CACNA2D3: variants seen among roughly 807,000 people sequenced by gnomAD.
CACNA2D3 encodes the protein calcium voltage-gated channel auxiliary subunit alpha2delta 3.
CACNA2D3 carries 60 observed loss-of-function variants against 160.6 expected under a neutral mutation model. That is an observed-to-expected ratio of 0.37 (90% CI 0.30 to 0.46). The LOEUF is 0.46. Among genes scored for constraint, CACNA2D3 ranks in the 20% least tolerant of loss-of-function variants. The probability of loss-of-function intolerance (pLI) is 1.00; values close to 1 mark genes in which losing one functional copy is unlikely to be tolerated. For synonymous variants in CACNA2D3, 558 were observed against 492.9 expected, an observed-to-expected ratio of 1.13 and a Z score of -1.75; for missense variants, 1,205 against 1,365.0, an observed-to-expected ratio of 0.88 and a Z score of 1.85.
chr3:54,762,209 A>C (rs1274134310), intron 12 of CACNA2D3, among the ~76,000 whole-genome samples: 1 of 152,008 alleles, frequency 6.6e-6, no homozygotes, highest in Non-Finnish European at 1.5e-5. Context: ...CTGTCATCTT[A>C]TGTCATCTTA....
intron 12 of CACNA2D3, among the ~76,000 whole-genome samples, chr3:54,757,056 C>T (rs551865620): frequency 2.0e-5 from 3 of 152,204 alleles, no homozygotes; most frequent in African/African-American, 4.8e-5. Context: ...CAAAAATAAG[C>T]GAACTGGAAA....
intron 26 of CACNA2D3, among the ~76,000 whole-genome samples, chr3:54,897,565 C>G (rs1341850237): frequency 6.6e-6 from 1 of 152,030 alleles, no homozygotes; most frequent in Non-Finnish European, 1.5e-5. Context: ...CTGCTTATTG[C>G]AGAAACTTGA....
intron 27 of CACNA2D3, among the ~76,000 whole-genome samples, chr3:54,929,407 C>CA (rs2106952118): frequency 6.6e-6 from 1 of 152,318 alleles, no homozygotes; most frequent in African/African-American, 2.4e-5. Flanking sequence ...GACAGAGGGC[C>CA]ATGGAACCTG....
chr3:54,847,468 T>G (rs2106776477), intron 17 of CACNA2D3, among the ~76,000 whole-genome samples: 1 of 152,276 alleles, frequency 6.6e-6, no homozygotes, highest in South Asian at 2.1e-4. Flanking sequence ...TATTCAAATG[T>G]TTGTTGGCAA....
intron 13 of CACNA2D3, among the ~76,000 whole-genome samples, chr3:54,805,285 C>G (rs1703092085): frequency 6.6e-6 from 1 of 152,168 alleles, no homozygotes; most frequent in South Asian, 2.1e-4. Flanking sequence ...AAAGGATCAA[C>G]AATATTGATA....
chr3:54,802,623 G>C (rs987868752), intron 13 of CACNA2D3, among the ~76,000 whole-genome samples: 2 of 152,086 alleles, frequency 1.3e-5, no homozygotes, highest in African/African-American at 4.8e-5. Context: ...AGTCCTCTGG[G>C]GGCAGGGCAC....
chr3:54,200,020 G>A (rs1202519384), intron 2 of CACNA2D3, among the ~76,000 whole-genome samples: 1 of 152,186 alleles, frequency 6.6e-6, no homozygotes, highest in Non-Finnish European at 1.5e-5. Flanking sequence ...TTGAGCAGTG[G>A]GATGGAGATT....
intron 11 of CACNA2D3, among the ~76,000 whole-genome samples, chr3:54,668,590 T>TA (rs1165580231): frequency 2.8e-5 from 4 of 142,272 alleles, no homozygotes; most frequent in Non-Finnish European, 4.6e-5. Flanking sequence ...GGGGAGTTCT[T>TA]AGTCTCTTGA....
chr3:54,400,583 T>C (rs1699439262), intron 4 of CACNA2D3, among the ~76,000 whole-genome samples: 1 of 152,132 alleles, frequency 6.6e-6, no homozygotes, highest in African/African-American at 2.4e-5. Flanking sequence ...CCACCACCAC[T>C]GCCCCAAACT....
At position 55,035,607 on chromosome 3, in the gene CACNA2D3, A is replaced by C. The variant is rs145082537; in HGVS notation, c.2987+17290A>C. 9.5e-4 allele frequency among the ~76,000 whole-genome samples: 144 copies of C among 152,186 alleles called. 1 individual carries two copies. Among genetic ancestry groups the C allele is most frequent in the Middle Eastern group, 3.4e-3 (1 of 294 alleles). ...TATGCTAATACTATTGATTCTAACC[A>C]TTTCCTCACTGGCCTGTTTATCTAT... is the stretch of plus-strand genomic sequence containing the variant. On this transcript the variant is annotated intron_variant, in intron 35 of 37. Transcript: ENST00000474759.
chr3:54,273,023 C>T (rs1207361249), intron 2 of CACNA2D3: 1 of 152,346 alleles, frequency 6.6e-6, no homozygotes, highest in African/African-American at 2.4e-5. Flanking sequence ...TGAGGACAGC[C>T]GGCCACTCTT....
At chr3:54,337,071 G>A (rs1466974271) in intron 3 of CACNA2D3, among the ~76,000 whole-genome samples, 1 of 151,950 alleles carries the variant, frequency 6.6e-6, no homozygotes, top group African/African-American at 2.4e-5. Context: ...GACATAGAAC[G>A]AGACATAGAC....
chr3:54,947,841 T>C (rs905748919), intron 27 of CACNA2D3, among the ~76,000 whole-genome samples: 1 of 152,190 alleles, frequency 6.6e-6, no homozygotes, highest in Non-Finnish European at 1.5e-5. Flanking sequence ...TCCATGTAAA[T>C]GGTTCTCTAG....
intron 27 of CACNA2D3, among the ~76,000 whole-genome samples, chr3:54,931,334 G>A (rs534374593): frequency 2.0e-5 from 3 of 152,198 alleles, no homozygotes; most frequent in Non-Finnish European, 4.4e-5. Context: ...CACATGGCCT[G>A]GACTGCCCGC....
chr3:54,350,550 T>A (rs1698534172), intron 3 of CACNA2D3, among the ~76,000 whole-genome samples: 1 of 152,224 alleles, frequency 6.6e-6, no homozygotes, highest in South Asian at 2.1e-4. Flanking sequence ...TAGGTTCTTC[T>A]AAGCTAACTG....
chr3:54,956,515 C>T (rs1320170649), intron 27 of CACNA2D3, among the ~76,000 whole-genome samples: 1 of 152,184 alleles, frequency 6.6e-6, no homozygotes, highest in African/African-American at 2.4e-5. Flanking sequence ...TCAGTCTTTT[C>T]AAACTCGTTA....
intron 2 of CACNA2D3, among the ~76,000 whole-genome samples, chr3:54,228,512 C>T (rs1701713712): frequency 6.6e-6 from 1 of 152,174 alleles, no homozygotes; most frequent in African/African-American, 2.4e-5. Flanking sequence ...AACATGGGCC[C>T]TGTCTTTGAG....
chr3:54,702,740 T>C (rs1280538653), intron 11 of CACNA2D3, among the ~76,000 whole-genome samples: 2 of 152,194 alleles, frequency 1.3e-5, no homozygotes, highest in African/African-American at 4.8e-5. Flanking sequence ...ACTGAAAGTA[T>C]ACCCAAAAGA....
chr3:55,058,123 G>A (rs1158054839), intron 35 of CACNA2D3, among the ~76,000 whole-genome samples: 1 of 152,168 alleles, frequency 6.6e-6, no homozygotes, highest in Non-Finnish European at 1.5e-5. Context: ...ACTATTCAGA[G>A]TGAATAATCA....
Sources: gnomAD v4.1 joint callset for allele counts (sites outside exome capture counted in the v4.1 genomes callset) on GRCh38, gnomAD v4.1.1 for gene constraint, MANE v1.5 for transcripts, NCBI Gene and HGNC (gene_info 2026-07-23, HGNC 2026-07-21) for gene names.